The following DACH2 variants were observed in gnomAD, a reference collection of about 807,000 sequenced individuals.
DACH2 encodes dachshund family transcription factor 2.
Under a neutral mutation model 35.8 loss-of-function variants are expected in DACH2, and 17 were observed. That is an observed-to-expected ratio of 0.48 (90% CI 0.33 to 0.71). The LOEUF (loss-of-function observed/expected upper bound fraction) is 0.71, where lower values mean the gene tolerates loss of function less well. DACH2 is among the 30% of genes least tolerant of loss of function. The probability of loss-of-function intolerance (pLI) is 0.02; values close to 1 mark genes in which losing one functional copy is unlikely to be tolerated. For missense variants in DACH2, 469 were observed against 472.7 expected (o/e 0.99, Z 0.07); for synonymous variants, 195 against 177.3 (o/e 1.10, Z -0.79).
chrX:86,309,138 T>A (rs1379368457), intron 1 of DACH2, among the ~76,000 whole-genome samples: 3 of 112,010 alleles, frequency 2.7e-5, no homozygotes, highest in Non-Finnish European at 3.8e-5. Flanking sequence ...AGTGCCACCA[T>A]TAAGGACTTG....
intron 1 of DACH2, among the ~76,000 whole-genome samples, chrX:86,172,759 G>C (rs2031168634): frequency 9.0e-6 from 1 of 111,617 alleles, no homozygotes; most frequent in African/African-American, 3.3e-5. Flanking sequence ...TAGAAGAAGA[G>C]AGAAGCACTA....
rs2035601796 is a variant in DACH2 at position 86,353,995 on chromosome X, C to T, written c.489-22829C>T. ...TTTTCCAACTTGGTTCCATTCTCCA[C>T]ATCACTTTCAGGTACACCAATCAGA... On this transcript the variant is annotated intron_variant, in intron 1 of 11. Transcript: ENST00000373125. 4.7e-5 allele frequency among the ~76,000 whole-genome samples: 2 copies of T among 42,540 alleles called. 1 individual carries two copies. The highest frequency in any genetic ancestry group is 7.9e-5 in the Non-Finnish European group (2 of 25,395). 36.9% of individuals were successfully genotyped at this position (42,540 alleles called of 115,157 possible). A position where few individuals can be genotyped will look rare whatever the true frequency, so the allele number is the denominator to read the frequency against.
chrX:86,510,011 G>A (rs1180685234), intron 2 of DACH2, among the ~76,000 whole-genome samples: 1 of 111,768 alleles, frequency 8.9e-6, no homozygotes, highest in African/African-American at 3.2e-5. Flanking sequence ...TTCACAGACT[G>A]TCCTGGGATG....
chrX:86,276,800 G>C (rs910482574), intron 1 of DACH2, among the ~76,000 whole-genome samples: 2 of 111,841 alleles, frequency 1.8e-5, no homozygotes, highest in South Asian at 7.4e-4. Flanking sequence ...TTTCTCCAGC[G>C]TATGTTGTTG....
At chrX:86,788,170 C>T (rs993500950) in intron 7 of DACH2, among the ~76,000 whole-genome samples, 1 of 110,804 alleles carries the variant, frequency 9.0e-6, no homozygotes, top group Admixed American at 9.7e-5. Flanking sequence ...TCGAGTATTC[C>T]TATAGGAAGA....
rs1224220375 is a variant in DACH2, at chrX:86,655,842, A to G, written c.772+4675A>G. 3.6e-5 allele frequency among the ~76,000 whole-genome samples: 4 copies of G among 111,653 alleles called. 1 individual carries two copies. In the Admixed American group the frequency reaches 3.8e-4, roughly 11 times the overall value. Reference sequence around the variant, plus strand: ...AGAAAAAATTACTTCTAAGATAATCAAAAAGATTCAATTGTAGGATGTAGC... The same window carrying G: ...AGAAAAAATTACTTCTAAGATAATCGAAAAGATTCAATTGTAGGATGTAGC... On this transcript the variant is annotated intron_variant, in intron 4 of 11. Transcript: ENST00000373125.
intron 2 of DACH2, among the ~76,000 whole-genome samples, chrX:86,460,551 C>T (rs1297242279): frequency 9.0e-6 from 1 of 110,659 alleles, no homozygotes; most frequent in Admixed American, 9.7e-5. Flanking sequence ...AGAACTTATA[C>T]TCTTCGATTC....
intron 2 of DACH2, among the ~76,000 whole-genome samples, chrX:86,426,276 A>C (rs1337719199): frequency 3.6e-5 from 4 of 111,006 alleles, no homozygotes; most frequent in African/African-American, 9.8e-5. Flanking sequence ...ACACCTATCA[A>C]ATCTTTTCCC....
At chrX:86,174,190 A>G (rs5967687) in intron 1 of DACH2, among the ~76,000 whole-genome samples, 3,897 of 99,800 alleles carry the variant, frequency 0.039, 213 homozygotes, top group African/African-American at 0.14. Context: ...TGGCATGATC[A>G]TCGCTAACTG....
intron 1 of DACH2, among the ~76,000 whole-genome samples, chrX:86,369,068 A>T (rs1430157400): frequency 9.0e-6 from 1 of 111,070 alleles, no homozygotes; most frequent in African/African-American, 3.3e-5. Flanking sequence ...TGCGCACAAA[A>T]TAGTTTTATT....
chrX:86,586,984 C>T (rs1411119014), intron 3 of DACH2, among the ~76,000 whole-genome samples: 8 of 111,524 alleles, frequency 7.2e-5, no homozygotes, highest in Non-Finnish European at 1.5e-4. Context: ...AGGAGTAACA[C>T]TGAATCTGTA....
At chrX:86,336,748 C>A in intron 1 of DACH2, among the ~76,000 whole-genome samples, 1 of 110,324 alleles carries the variant, frequency 9.1e-6, no homozygotes, top group Non-Finnish European at 1.9e-5. Flanking sequence ...CAGAAGTAGG[C>A]TTCAGAAGGT....
At chrX:86,590,455 T>C (rs1371839604) in intron 3 of DACH2, among the ~76,000 whole-genome samples, 1 of 111,874 alleles carries the variant, frequency 8.9e-6, no homozygotes, top group African/African-American at 3.3e-5. Context: ...TAGTAACTGG[T>C]ACATTCACTT....
chrX:86,717,588 G>A (rs1456421575), intron 6 of DACH2, among the ~76,000 whole-genome samples: 3 of 108,575 alleles, frequency 2.8e-5, no homozygotes, highest in Non-Finnish European at 5.7e-5. Flanking sequence ...ACATAGAATT[G>A]TCTTTGAGAA....
In DACH2 at chrX:86,814,737, G is replaced by T. The variant is rs1291863750; in HGVS notation, c.1587G>T (p.Leu529Phe). ...AGGAGAAAAAAACCAAGAGAAAATT[G>T]CAGGAAGCCTTGGAATTTGAATCAA... The part of the protein sequence containing the change: ...LKKEKKTKRK[L>F]QEALEFESKR... The change falls in exon 10 of 12, where the codon TTG (leucine) becomes TTT (phenylalanine). Residue 529 changes from leucine to phenylalanine, a missense_variant. Physicochemically the swap from Leu to Phe is conservative, Grantham distance 22. This residue lies in a region of DACH2 where 363 missense variants were observed against 334.4 expected (regional missense o/e 1.09). Transcript: ENST00000373125. The T allele has an allele frequency of 6.3e-5, 76 of 1,209,472 alleles. No individual in the cohort carries two copies. Among genetic ancestry groups the T allele is most frequent in the Non-Finnish European group, 8.0e-5 (72 of 894,841 alleles).
At chrX:86,720,540 C>T (rs1179274872) in intron 6 of DACH2, among the ~76,000 whole-genome samples, 1 of 112,194 alleles carries the variant, frequency 8.9e-6, no homozygotes, top group African/African-American at 3.2e-5. Flanking sequence ...ACATCCAGTT[C>T]ATGCTGATGC....
At chrX:86,210,406 A>G (rs951621725) in intron 1 of DACH2, among the ~76,000 whole-genome samples, 8 of 111,361 alleles carry the variant, frequency 7.2e-5, no homozygotes, top group Non-Finnish European at 1.3e-4. Flanking sequence ...CCTTTTAAGA[A>G]TACTAATTTA....
chrX:86,483,188 A>C (rs1353163314), intron 2 of DACH2, among the ~76,000 whole-genome samples: 1 of 109,676 alleles, frequency 9.1e-6, no homozygotes, highest in Non-Finnish European at 1.9e-5. Flanking sequence ...AGAGGAAGTG[A>C]TTGTGTGGGG....
chrX:86,175,402 A>C (rs2031267958), intron 1 of DACH2, among the ~76,000 whole-genome samples: 1 of 111,687 alleles, frequency 9.0e-6, no homozygotes, highest in Non-Finnish European at 1.9e-5. Flanking sequence ...TTTGAGTGGC[A>C]TGTGTTTAAG....
Sources: gnomAD v4.1 joint callset for allele counts (sites outside exome capture counted in the v4.1 genomes callset) on GRCh38, gnomAD v4.1.1 for gene constraint, gnomAD v4.1.1 regional missense constraint, MANE v1.5 for transcripts, NCBI Gene and HGNC (gene_info 2026-07-23, HGNC 2026-07-21) for gene names.